Variants in PSG5 observed in about 807,000 individuals in gnomAD.
PSG5 encodes the protein pregnancy specific beta-1-glycoprotein 5.
A neutral mutation model predicts 37.7 loss-of-function variants in PSG5; 53 were observed. The observed-to-expected ratio is 1.41, with a 90% CI of 1.13 to 1.77. The LOEUF (loss-of-function observed/expected upper bound fraction) is 1.77, where lower values mean the gene tolerates loss of function less well. Ranked by LOEUF, PSG5 falls within the 40% of genes most tolerant of loss-of-function variation. The probability of loss-of-function intolerance (pLI) is 0.00; values close to 1 mark genes in which losing one functional copy is unlikely to be tolerated. For missense variants in PSG5, 547 were observed against 405.2 expected, an observed-to-expected ratio of 1.35 and a Z score of -3.00; for synonymous variants, 221 against 155.4, an observed-to-expected ratio of 1.42 and a Z score of -3.14.
chr19:43,186,436 G>A lies in PSG5; in HGVS notation c.-31C>T. 6.2e-7 allele frequency: 1 copy of A among 1,611,166 alleles called. No individual in the cohort carries two copies. The highest frequency in any genetic ancestry group is 1.1e-5 in the South Asian group (1 of 90,974). ...CTGCGCCTGCGTGTTCTCCTCTGTGGAGCTGAGCCTAGGATCCAGAAACTT... is the reference window on the plus strand; with the variant it reads ...CTGCGCCTGCGTGTTCTCCTCTGTGAAGCTGAGCCTAGGATCCAGAAACTT... On this transcript the variant is annotated 5_prime_UTR_variant, in exon 1 of 6. Transcript: ENST00000342951.
At chr19:43,177,637 G>A (rs1969039362) in intron 2 of PSG5, among the ~76,000 whole-genome samples, 1 of 151,226 alleles carries the variant, frequency 6.6e-6, no homozygotes, top group Non-Finnish European at 1.5e-5. Flanking sequence ...TGTCTTCTAT[G>A]TCATGAGAAC....
intron 2 of PSG5, among the ~76,000 whole-genome samples, chr19:43,177,773 G>T (rs1449021827): frequency 6.6e-6 from 1 of 151,486 alleles, no homozygotes; most frequent in Non-Finnish European, 1.5e-5. Flanking sequence ...CTGGGATTCT[G>T]GTAGGAGTTG....
chr19:43,175,777 A>G, intron 3 of PSG5, 93 bp downstream of exon 3: 6 of 1,574,222 alleles, frequency 3.8e-6, no homozygotes, highest in Middle Eastern at 2.2e-4. Flanking sequence ...AAAGGTGTCT[A>G]TACTTGGACC....
At position 43,184,765 on chromosome 19, in the gene PSG5, C is replaced by T. The variant is rs765190984; in HGVS notation, c.430+17G>A. 3 of 1,611,742 alleles carry T rather than the reference C, an allele frequency of 1.9e-6. No homozygotes were observed. The highest frequency in any genetic ancestry group is 4.5e-5 in the East Asian group (2 of 44,872). The stretch of plus-strand genomic sequence containing the variant: ...CCCCTGTCCCCCAACACCCAGGGAT[C>T]ATGTGGAATCACTCACGGTATAAGT... On this transcript the variant is annotated intron_variant, in intron 2 of 5. Coordinates refer to ENST00000342951, the MANE Select transcript of PSG5 (RefSeq NM_002781.4).
At chr19:43,181,737 G>A (rs1031366786) in intron 2 of PSG5, among the ~76,000 whole-genome samples, 14 of 151,810 alleles carry the variant, frequency 9.2e-5, no homozygotes, top group African/African-American at 3.4e-4. Flanking sequence ...ATAGGCATGA[G>A]CCACTGTGCC....
chr19:43,173,691 A>G (rs1968948414), intron 4 of PSG5, among the ~76,000 whole-genome samples: 1 of 151,726 alleles, frequency 6.6e-6, no homozygotes, highest in Non-Finnish European at 1.5e-5. Context: ...TTGATAAACA[A>G]CAAAAATGAC....
chr19:43,169,504 AG>A (rs1381311644), intron 5 of PSG5, among the ~76,000 whole-genome samples: 1 of 151,662 alleles, frequency 6.6e-6, no homozygotes, highest in Non-Finnish European at 1.5e-5. Context: ...GTAGGAAGAC[AG>A]TTCTAATTAG....
rs201454211 is a variant in PSG5, at chr19:43,178,874, C to T, written c.431-2726G>A. 2.5e-4 allele frequency: 397 copies of T among 1,612,764 alleles called. 18 individuals carry two copies. The highest frequency in any genetic ancestry group is 4.6e-5 in the Non-Finnish European group (54 of 1,179,332). The stretch of plus-strand genomic sequence containing the variant: ...CTGGCTCACAGAGGAACAGAGGATA[C>T]TCACGGAGGAGATTCAGGGTGACTG... On this transcript the variant is annotated intron_variant, in intron 2 of 5. Transcript: ENST00000342951.
In PSG5 at chr19:43,186,374, T is replaced by C. The variant is rs1966942812; in HGVS notation, c.32A>G (p.Gln11Arg). The C allele has an allele frequency of 3.7e-6, 6 of 1,612,322 alleles. No homozygotes were observed. The highest frequency in any genetic ancestry group is 2.7e-5 in the African/African-American group (2 of 74,564). Residue 11 changes from glutamine (Q) to arginine (R), a missense_variant, in exon 1 of 6, where the codon CAG (glutamine) becomes CGG (arginine). By Grantham distance (43) the Gln-to-Arg change is conservative. Coordinates refer to ENST00000342951, the MANE Select transcript of PSG5 (RefSeq NM_002781.4). MGPLSAPPCT[Q>R]HITWKGLLLT... ...CAGGAGCCCCTTCCAGGTGATGTGC[T>C]GTGTGCAGGGAGGGGCTGAGAGGGG...
intron 1 of PSG5, among the ~76,000 whole-genome samples, chr19:43,186,139 G>A (rs1405815750): frequency 6.6e-6 from 1 of 151,078 alleles, no homozygotes; most frequent in African/African-American, 2.4e-5. Flanking sequence ...ACCATACCTG[G>A]TTAATTTTTT....
chr19:43,186,280 G>A (rs369127578), intron 1 of PSG5, 62 bp downstream of exon 1: 3 of 1,608,302 alleles, frequency 1.9e-6, no homozygotes, highest in South Asian at 1.1e-5. Context: ...TCCTCTCCAG[G>A]AGACCCAATC....
intron 2 of PSG5, among the ~76,000 whole-genome samples, chr19:43,182,344 T>C (rs941033328): frequency 2.0e-5 from 3 of 151,712 alleles, no homozygotes; most frequent in African/African-American, 7.3e-5. Context: ...ATTGCTCCTA[T>C]AGATAACATC....
intron 2 of PSG5, among the ~76,000 whole-genome samples, chr19:43,176,979 T>C (rs1599749064): frequency 1.3e-5 from 2 of 151,776 alleles, no homozygotes; most frequent in East Asian, 1.9e-4. Context: ...GCAGAACTGA[T>C]TGGTAGAAAG....
chr19:43,182,486 C>G (rs146058317), intron 2 of PSG5, among the ~76,000 whole-genome samples: 1 of 151,334 alleles, frequency 6.6e-6, no homozygotes, highest in Non-Finnish European at 1.5e-5. Flanking sequence ...GAGGCAGATT[C>G]GAGCACAAAC....
chr19:43,184,413 A>G (rs1429028853), intron 2 of PSG5, among the ~76,000 whole-genome samples: 2 of 151,530 alleles, frequency 1.3e-5, no homozygotes, highest in East Asian at 3.9e-4. Flanking sequence ...TCTAGGGCTG[A>G]GCTTCTCTGA....
chr19:43,182,636 C>T (rs1187545346), intron 2 of PSG5, among the ~76,000 whole-genome samples: 1 of 148,664 alleles, frequency 6.7e-6, no homozygotes. Context: ...AATAATAAAC[C>T]TCTGTCCTCC....
intron 2 of PSG5, chr19:43,179,098 C>A (rs1333925214): frequency 1.9e-6 from 3 of 1,609,258 alleles, no homozygotes; most frequent in Admixed American, 1.7e-5. Context: ...AAGATCACAG[C>A]CTCCATGGCC....
intron 2 of PSG5, among the ~76,000 whole-genome samples, chr19:43,179,796 G>C (rs1174257712): frequency 6.6e-6 from 1 of 151,688 alleles, no homozygotes; most frequent in African/African-American, 2.4e-5. Flanking sequence ...GACTTCTAAA[G>C]ATAGAGCAGA....
chr19:43,169,013 C>T (rs1195445560), intron 5 of PSG5, among the ~76,000 whole-genome samples: 1 of 151,536 alleles, frequency 6.6e-6, no homozygotes, highest in East Asian at 1.9e-4. Context: ...TAAAAATTAC[C>T]AATGCCTTGG....
Sources: allele counts gnomAD v4.1 joint callset (sites outside exome capture counted in the v4.1 genomes callset), GRCh38; gene constraint gnomAD v4.1.1; transcripts MANE v1.5; gene names NCBI Gene and HGNC (gene_info 2026-07-23, HGNC 2026-07-21).